The following NR6A1 variants were observed in gnomAD, a reference collection of about 807,000 sequenced individuals.
The protein encoded by NR6A1 is retinoic acid receptor-related testis-associated receptor.
A neutral mutation model predicts 59.1 loss-of-function variants in NR6A1; 7 were observed. The observed-to-expected ratio is 0.12, with a 90% CI of 0.07 to 0.22. The LOEUF (loss-of-function observed/expected upper bound fraction) is 0.22. Ranked by LOEUF, NR6A1 falls within the 10% of genes least tolerant of loss-of-function variation. The pLI, the probability that NR6A1 is intolerant of heterozygous loss-of-function variation, is 1.00. For synonymous variants in NR6A1, 243 were observed against 236.1 expected (o/e 1.03, Z -0.27); for missense variants, 468 against 611.6 (o/e 0.77, Z 2.48).
At chr9:124,676,417 G>A (rs1837962867) in intron 2 of NR6A1, among the ~76,000 whole-genome samples, 1 of 151,944 alleles carries the variant, frequency 6.6e-6, no homozygotes, top group South Asian at 2.1e-4. Context: ...GTGGTCTGGA[G>A]GGAGACTTTC....
At chr9:124,760,128 A>G (rs1840745961) in intron 1 of NR6A1, among the ~76,000 whole-genome samples, 1 of 151,778 alleles carries the variant, frequency 6.6e-6, no homozygotes, top group African/African-American at 2.4e-5. Context: ...CCTGGCCAAC[A>G]TGGTGAAATC....
chr9:124,571,288 G>GC (rs1834430097), intron 2 of NR6A1, among the ~76,000 whole-genome samples: 1 of 152,158 alleles, frequency 6.6e-6, no homozygotes, highest in East Asian at 1.9e-4. Flanking sequence ...GATGAGGAGA[G>GC]CCACAATGAA....
chr9:124,628,486 G>A (rs1836316833), intron 2 of NR6A1, among the ~76,000 whole-genome samples: 1 of 152,112 alleles, frequency 6.6e-6, no homozygotes, highest in African/African-American at 2.4e-5. Context: ...TGGAACTTCA[G>A]GCACATACTA....
At chr9:124,528,636 G>C (rs983385827) in intron 7 of NR6A1, among the ~76,000 whole-genome samples, 1 of 152,050 alleles carries the variant, frequency 6.6e-6, no homozygotes, top group Non-Finnish European at 1.5e-5. Flanking sequence ...GGGAGGTTGA[G>C]GCTGCAGTGA....
At chr9:124,668,387 T>C (rs887288390) in intron 2 of NR6A1, among the ~76,000 whole-genome samples, 1 of 150,592 alleles carries the variant, frequency 6.6e-6, no homozygotes, top group Non-Finnish European at 1.5e-5. Context: ...GTGTAACTTT[T>C]ATTGAAAAAT....
chr9:124,728,366 T>C (rs1368532596), intron 2 of NR6A1, among the ~76,000 whole-genome samples: 2 of 151,726 alleles, frequency 1.3e-5, no homozygotes, highest in Non-Finnish European at 2.9e-5. Context: ...CCAGGCACGG[T>C]GGCTCACGCC....
intron 1 of NR6A1, among the ~76,000 whole-genome samples, chr9:124,740,449 T>C (rs1367084861): frequency 6.6e-6 from 1 of 151,222 alleles, no homozygotes; most frequent in African/African-American, 2.5e-5. Context: ...ATTCAAGTCT[T>C]ATATAGTTTT....
intron 2 of NR6A1, among the ~76,000 whole-genome samples, chr9:124,680,768 A>G (rs576336471): frequency 6.6e-6 from 1 of 152,218 alleles, no homozygotes; most frequent in South Asian, 2.1e-4. Flanking sequence ...TATGGCCCAC[A>G]TATGTTTCCC....
chr9:124,523,182 C>G (rs1435677276), intron 9 of NR6A1, among the ~76,000 whole-genome samples: 1 of 152,172 alleles, frequency 6.6e-6, no homozygotes, highest in African/African-American at 2.4e-5. Flanking sequence ...TTCACCCCCT[C>G]AACCCCCGGT....
chr9:124,634,826 A>AAG (rs373861950), intron 2 of NR6A1, among the ~76,000 whole-genome samples: 326 of 151,576 alleles, frequency 2.2e-3, no homozygotes, highest in African/African-American at 7.0e-3. Flanking sequence ...TCTCAAAAAA[A>AAG]AGAGAGAGAG....
chr9:124,724,761 T>TTTA (rs1389196645), intron 2 of NR6A1, among the ~76,000 whole-genome samples: 1 of 152,224 alleles, frequency 6.6e-6, no homozygotes. Context: ...AATCCAACTA[T>TTTA]TTACCCTTTG....
rs780558415 is a variant in NR6A1, at chr9:124,554,294, A to G, written c.385+34T>C. On this transcript the variant is annotated intron_variant, in intron 3 of 9. Transcript: ENST00000487099. Reference sequence around the variant, plus strand: ...ACACTAAAGGTAAAGTTTTGAATGAAGGATGGGCCATCAGAGCCATCAGCA... The same window carrying G: ...ACACTAAAGGTAAAGTTTTGAATGAGGGATGGGCCATCAGAGCCATCAGCA... 2.5e-6 allele frequency: 4 copies of G among 1,613,722 alleles called. No individual in the cohort carries two copies. The South Asian group carries it at 4.4e-5, about 18-fold the overall frequency.
At chr9:124,569,950 C>T (rs1834388846) in intron 2 of NR6A1, among the ~76,000 whole-genome samples, 1 of 152,140 alleles carries the variant, frequency 6.6e-6, no homozygotes, top group Non-Finnish European at 1.5e-5. Flanking sequence ...GGGAGTTATT[C>T]TTACTGATCA....
intron 7 of NR6A1, among the ~76,000 whole-genome samples, chr9:124,527,722 G>T (rs573190990): frequency 1.6e-4 from 24 of 152,314 alleles, no homozygotes; most frequent in African/African-American, 5.8e-4. Context: ...CCTAGCAGAA[G>T]TGGCTCAAAG....
Position 124,578,137 on chromosome 9 carries a change from T to C in NR6A1, c.143-23567A>G, listed in dbSNP as rs547153288. Among the ~76,000 whole-genome samples the C allele has an allele frequency of 5.8e-4, 89 of 152,344 alleles. 1 individual carries two copies. The South Asian group carries it at 0.018, about 31-fold the overall frequency. The stretch of plus-strand genomic sequence containing the variant: ...TTTCAGTCTCTTTTACTGAGTACTC[T>C]TTGGGACTTCCAAACATTGGAATGT... On this transcript the variant is annotated intron_variant, in intron 2 of 9. Transcript: ENST00000487099.
intron 2 of NR6A1, among the ~76,000 whole-genome samples, chr9:124,563,490 T>C (rs1834138691): frequency 6.6e-6 from 1 of 152,234 alleles, no homozygotes; most frequent in Non-Finnish European, 1.5e-5. Context: ...AACTATTAAC[T>C]GTAAAATACA....
Position 124,520,337 on chromosome 9 carries a change from A to G in NR6A1, c.*2368T>C, listed in dbSNP as rs1253401714. 2 of 152,216 alleles carry G rather than the reference A, an allele frequency of 1.3e-5. No individual in the cohort carries two copies. Among genetic ancestry groups the G allele is most frequent in the East Asian group, 3.8e-4 (2 of 5,204 alleles). 9.4% of individuals were successfully genotyped at this position (152,216 alleles called of 1,614,324 possible). ...CGGAACACACAGCCACTTTGCTCTGAGATTCTGCAGGGCTCTCGGCAATGA... is the reference window on the plus strand; with the variant it reads ...CGGAACACACAGCCACTTTGCTCTGGGATTCTGCAGGGCTCTCGGCAATGA... On this transcript the variant is annotated 3_prime_UTR_variant, in exon 10 of 10. Transcript: ENST00000487099.
intron 1 of NR6A1, among the ~76,000 whole-genome samples, chr9:124,759,057 CCT>C (rs1313802170): frequency 6.6e-6 from 1 of 152,096 alleles, no homozygotes; most frequent in African/African-American, 2.4e-5. Context: ...TGTTTGGGCT[CCT>C]CTCTAAAGTC....
rs146637387 is a variant in NR6A1 at position 124,557,879 on chromosome 9, A to G, written c.143-3309T>C. On this transcript the variant is annotated intron_variant, in intron 2 of 9. Coordinates refer to ENST00000487099, the MANE Select transcript of NR6A1 (RefSeq NM_033334.4). Reference sequence around the variant, plus strand: ...TATTAGAATAGACTTAAAAACAGTTATAATGAATATATCCACAAGGACACA... The same window carrying G: ...TATTAGAATAGACTTAAAAACAGTTGTAATGAATATATCCACAAGGACACA... Among the ~76,000 whole-genome samples the G allele has an allele frequency of 4.6e-3, 704 of 152,334 alleles. 6 individuals carry two copies. The highest frequency in any genetic ancestry group is 0.016 in the African/African-American group (658 of 41,570).
Sources: allele counts gnomAD v4.1 joint callset (sites outside exome capture counted in the v4.1 genomes callset), GRCh38; gene constraint gnomAD v4.1.1; transcripts MANE v1.5; gene names NCBI Gene and HGNC (gene_info 2026-07-23, HGNC 2026-07-21).